CCDC171: variants seen among roughly 807,000 people sequenced by gnomAD.
CCDC171 encodes the protein coiled-coil domain containing 171.
CCDC171 carries 177 observed loss-of-function variants against 168.2 expected under a neutral mutation model. The ratio of observed to expected loss-of-function variants is 1.05; its 90% CI spans 0.93 to 1.19. The LOEUF (loss-of-function observed/expected upper bound fraction) is 1.19. Ranked by LOEUF, CCDC171 falls within the 50% of genes most tolerant of loss-of-function variation. CCDC171 has a pLI of 0.00. For synonymous variants in CCDC171, 687 were observed against 540.8 expected, an observed-to-expected ratio of 1.27 and a Z score of -3.75; for missense variants, 1,991 against 1,539.0, an observed-to-expected ratio of 1.29 and a Z score of -4.91.
intron 18 of CCDC171, among the ~76,000 whole-genome samples, chr9:15,768,636 A>T (rs1204084804): frequency 6.6e-6 from 1 of 152,216 alleles, no homozygotes; most frequent in Non-Finnish European, 1.5e-5. Context: ...TTTAAACCTC[A>T]TGTAATCTCC....
intron 3 of CCDC171, among the ~76,000 whole-genome samples, chr9:16,019,393 A>G (rs779562848): frequency 2.0e-5 from 3 of 152,220 alleles, no homozygotes; most frequent in Non-Finnish European, 4.4e-5. Flanking sequence ...GGCCATCTCA[A>G]GTAGAGACTA....
At chr9:15,872,068 T>C (rs2062062136) in intron 23 of CCDC171, among the ~76,000 whole-genome samples, 1 of 152,012 alleles carries the variant, frequency 6.6e-6, no homozygotes, top group Admixed American at 6.6e-5. Flanking sequence ...ATTTGTGATA[T>C]TGCATCTATT....
Position 15,779,074 on chromosome 9 carries a change from G to C in CCDC171, c.3005G>C (p.Arg1002Pro). ...SLRLEVTEFK[R>P]SVNEMKKELD... is the part of the protein sequence containing the mutation. Reference sequence around the variant, plus strand: ...CGCTTAGAGGTCACAGAATTCAAACGAAGTGTGAATGAAATGAAAAAGGAG... The same window carrying C: ...CGCTTAGAGGTCACAGAATTCAAACCAAGTGTGAATGAAATGAAAAAGGAG... Residue 1002 changes from arginine to proline, a missense_variant, in exon 20 of 26, where the codon CGA becomes CCA. By Grantham distance (103) the Arg-to-Pro change is moderately radical. Coordinates refer to ENST00000380701, the MANE Select transcript of CCDC171 (RefSeq NM_173550.4). 1 of 1,604,458 alleles carries C rather than the reference G, an allele frequency of 6.2e-7. No homozygotes were observed. Among genetic ancestry groups the C allele is most frequent in the Non-Finnish European group, 8.5e-7 (1 of 1,175,720 alleles).
At position 15,578,882 on chromosome 9, in the gene CCDC171, C is replaced by G; in HGVS notation, c.211C>G (p.Arg71Gly). The change falls in exon 4 of 26, where the codon CGG (arginine) becomes GGG (glycine). Residue 71 changes from arginine to glycine, a missense_variant. Physicochemically the swap from Arg to Gly is moderately radical, Grantham distance 125. Coordinates refer to ENST00000380701, the MANE Select transcript of CCDC171 (RefSeq NM_173550.4). ...CTATGAGAGCCAGATTGCCAAGCTA[C>G]GGTCCGAGGTTGAAAAGGGAGAAGC... ...ASYESQIAKLRSEVEKGEALR... is the reference protein window; with the variant it reads ...ASYESQIAKLGSEVEKGEALR... The G allele has an allele frequency of 6.2e-7, 1 of 1,613,316 alleles. No homozygotes were observed. The highest frequency in any genetic ancestry group is 8.5e-7 in the Non-Finnish European group (1 of 1,179,658).
chr9:15,926,102 A>G (rs1825862457), intron 25 of CCDC171, among the ~76,000 whole-genome samples: 1 of 151,774 alleles, frequency 6.6e-6, no homozygotes, highest in Non-Finnish European at 1.5e-5. Flanking sequence ...AGAGAAGAGT[A>G]CATTCTAACA....
At chr9:16,049,863 A>G (rs1012008230) in intron 1 of CCDC171, among the ~76,000 whole-genome samples, 5 of 152,106 alleles carry the variant, frequency 3.3e-5, no homozygotes, top group Non-Finnish European at 7.4e-5. Context: ...GATATCAGGG[A>G]AGCCAGATAT....
the CCDC171 span, among the ~76,000 whole-genome samples, chr9:16,105,564 G>A: frequency 2.6e-5 from 4 of 152,228 alleles, no homozygotes; most frequent in South Asian, 2.1e-4. Context: ...ATGGATTTAC[G>A]GTAATGAACT....
chr9:15,622,175 T>C (rs1445348364), intron 6 of CCDC171, among the ~76,000 whole-genome samples: 4 of 152,076 alleles, frequency 2.6e-5, no homozygotes. Flanking sequence ...AAAATAACTT[T>C]TGGGTTCTAG....
At chr9:16,080,307 T>C in the CCDC171 span, among the ~76,000 whole-genome samples, 3 of 152,198 alleles carry the variant, frequency 2.0e-5, no homozygotes, top group African/African-American at 7.2e-5. Flanking sequence ...TTGGTTTTTT[T>C]CCCCCAGTAT....
chr9:15,859,146 A>C (rs1490606765), intron 23 of CCDC171, among the ~76,000 whole-genome samples: 1 of 152,030 alleles, frequency 6.6e-6, no homozygotes, highest in Non-Finnish European at 1.5e-5. Context: ...GCATCTATTG[A>C]TTGTGTGAAT....
chr9:15,606,059 A>G (rs1161389920), intron 6 of CCDC171, among the ~76,000 whole-genome samples: 1 of 152,146 alleles, frequency 6.6e-6, no homozygotes, highest in African/African-American at 2.4e-5. Context: ...GCAGTAAGAG[A>G]TTAACGATGT....
intron 1 of CCDC171, 86 bp from the exon 2 acceptor site, chr9:15,563,892 T>C (rs781459986): frequency 1.1e-4 from 59 of 534,844 alleles, no homozygotes; most frequent in Non-Finnish European, 1.7e-4. Context: ...AATTATTACA[T>C]CTTTCCAAAA....
chr9:15,668,850 A>T (rs565817180), intron 9 of CCDC171, among the ~76,000 whole-genome samples: 1 of 152,232 alleles, frequency 6.6e-6, no homozygotes, highest in African/African-American at 2.4e-5. Context: ...AAGATTCTGA[A>T]TTTCTGAAAA....
At chr9:15,793,896 A>G (rs916663858) in intron 21 of CCDC171, among the ~76,000 whole-genome samples, 5 of 151,854 alleles carry the variant, frequency 3.3e-5, no homozygotes, top group African/African-American at 2.4e-5. Flanking sequence ...TATTTTATCT[A>G]TACTCTCTGG....
At chr9:15,971,206 AT>A (rs1191681189) in intron 25 of CCDC171, among the ~76,000 whole-genome samples, 1 of 152,184 alleles carries the variant, frequency 6.6e-6, no homozygotes, top group East Asian at 1.9e-4. Context: ...TTTCTAAGTA[AT>A]CTAATCTTCC....
intron 21 of CCDC171, among the ~76,000 whole-genome samples, chr9:15,832,919 A>G (rs2060293006): frequency 6.6e-6 from 1 of 151,712 alleles, no homozygotes; most frequent in Admixed American, 6.6e-5. Context: ...GCCTAGCTCT[A>G]CACAGGGTCA....
rs144816827 is a variant in CCDC171, at chr9:15,961,098, T to C, written c.3754-10511T>C. On this transcript the variant is annotated intron_variant, in intron 25 of 25. Coordinates refer to ENST00000380701, the MANE Select transcript of CCDC171 (RefSeq NM_173550.4). ...TGTGATTGACAGATACTTATATTGTTAGAAAGGTTTAGGAAAGTCATTTCT... is the reference window on the plus strand; with the variant it reads ...TGTGATTGACAGATACTTATATTGTCAGAAAGGTTTAGGAAAGTCATTTCT... Among the ~76,000 whole-genome samples the C allele has an allele frequency of 7.8e-3, 1,187 of 152,266 alleles. 6 individuals carry two copies. Among genetic ancestry groups the C allele is most frequent in the Non-Finnish European group, 0.013 (887 of 68,018 alleles).
intron 1 of CCDC171, among the ~76,000 whole-genome samples, chr9:16,047,760 G>C (rs1054594718): frequency 2.0e-5 from 3 of 152,186 alleles, no homozygotes; most frequent in Non-Finnish European, 2.9e-5. Flanking sequence ...TTGTAGAATA[G>C]GGATCAACCA....
chr9:15,714,858 C>T (rs910566324), intron 11 of CCDC171, among the ~76,000 whole-genome samples: 1 of 152,158 alleles, frequency 6.6e-6, no homozygotes, highest in Admixed American at 6.5e-5. Flanking sequence ...CTTAACTATG[C>T]TGCCCATTTA....
Sources: allele counts gnomAD v4.1 joint callset (sites outside exome capture counted in the v4.1 genomes callset), GRCh38; gene constraint gnomAD v4.1.1; transcripts MANE v1.5; gene names NCBI Gene and HGNC (gene_info 2026-07-23, HGNC 2026-07-21).